Variants in NEIL3 observed in about 807,000 individuals in gnomAD.
NEIL3 encodes nei like DNA glycosylase 3, also known as endonuclease 8-like 3.
Under a neutral mutation model 57.5 loss-of-function variants are expected in NEIL3, and 48 were observed. The ratio of observed to expected loss-of-function variants is 0.83; its 90% confidence interval spans 0.66 to 1.06. The LOEUF is 1.06. NEIL3 is among the 50% of genes least tolerant of loss of function. NEIL3 has a pLI of 0.00. For missense variants in NEIL3, 717 were observed against 739.1 expected (o/e 0.97, Z 0.35); for synonymous variants, 261 against 253.2 (o/e 1.03, Z -0.29).
chr4:177,348,358 G>C (rs1447653021), intron 6 of NEIL3, among the ~76,000 whole-genome samples: 4 of 152,120 alleles, frequency 2.6e-5, no homozygotes, highest in African/African-American at 9.7e-5. Context: ...AGTTAGGGTG[G>C]GTAGTATAGG....
chr4:177,351,276 A>T (rs1405326018), intron 6 of NEIL3, 104 bp from the exon 7 acceptor site: 5 of 651,992 alleles, frequency 7.7e-6, no homozygotes, highest in Non-Finnish European at 1.3e-5. Context: ...AGCAATAATA[A>T]AGAGATAGCA....
chr4:177,336,381 C>A, intron 4 of NEIL3, 60 bp downstream of exon 4: 1 of 1,307,870 alleles, frequency 7.6e-7, no homozygotes, highest in Non-Finnish European at 1.1e-6. Flanking sequence ...AAGGAACCAA[C>A]GTGGAAGCCT....
chr4:177,339,683 T>C (rs1013755575), intron 4 of NEIL3, 100 bp from the exon 5 acceptor site: 5 of 770,220 alleles, frequency 6.5e-6, no homozygotes, highest in Non-Finnish European at 1.1e-5. Flanking sequence ...GTATTCAAAA[T>C]CTATTTACAG....
intron 8 of NEIL3, among the ~76,000 whole-genome samples, chr4:177,358,495 CG>C (rs1332450188): frequency 6.6e-6 from 1 of 151,972 alleles, no homozygotes; most frequent in African/African-American, 2.4e-5. Context: ...TTAGTCGAGA[CG>C]GGGTTTCACC....
chr4:177,353,338 C>T lies in NEIL3; in HGVS notation c.1070C>T (p.Thr357Ile), dbSNP rs769672132. 2.5e-5 allele frequency: 40 copies of T among 1,612,608 alleles called. No homozygotes were observed. The highest frequency in any genetic ancestry group is 3.4e-5 in the Non-Finnish European group (40 of 1,179,664). ...DSVLKSEENSTVFSHLMKYPC... is the reference protein window; with the variant it reads ...DSVLKSEENSIVFSHLMKYPC... ...GTGCTCAAGAGTGAAGAAAATTCTA[C>T]TGTCTTTAGCCACTTAATGAAGTAC... Residue 357 changes from threonine to isoleucine, a missense_variant, in exon 8 of 10, where the codon ACT becomes ATT. Thr to Ile is a moderately conservative substitution (Grantham distance 89). Coordinates refer to ENST00000264596, the MANE Select transcript of NEIL3 (RefSeq NM_018248.3).
chr4:177,330,460 A>G (rs1035037000), intron 2 of NEIL3, among the ~76,000 whole-genome samples: 2 of 152,202 alleles, frequency 1.3e-5, no homozygotes, highest in Admixed American at 1.3e-4. Flanking sequence ...TAAACCCAAA[A>G]CAGACAGAAG....
At chr4:177,329,165 T>C (rs142172669) in intron 2 of NEIL3, among the ~76,000 whole-genome samples, 1 of 152,178 alleles carries the variant, frequency 6.6e-6, no homozygotes, top group East Asian at 1.9e-4. Context: ...TTAAAAATGC[T>C]CAATCCAAAA....
intron 2 of NEIL3, 81 bp from the exon 3 acceptor site, chr4:177,335,605 CAA>C (rs3215157): frequency 3.9e-4 from 470 of 1,211,374 alleles, no homozygotes; most frequent in Middle Eastern, 2.0e-3. Flanking sequence ...GCTTATAATC[CAA>C]AAAAAAAATG....
chr4:177,365,790 T>A (rs1039169449), downstream of NEIL3, among the ~76,000 whole-genome samples: 2 of 152,178 alleles, frequency 1.3e-5, no homozygotes, highest in Admixed American at 1.3e-4. Flanking sequence ...ATTGGTTCTG[T>A]CTTAGATTAT....
chr4:177,360,040 A>G (rs934420034), intron 8 of NEIL3, among the ~76,000 whole-genome samples: 2 of 152,348 alleles, frequency 1.3e-5, no homozygotes. Context: ...AGTGATTTCT[A>G]TGGCCTTGTC....
intron 9 of NEIL3, among the ~76,000 whole-genome samples, 174 bp downstream of exon 9, chr4:177,360,851 C>A (rs1433373753): frequency 2.6e-5 from 4 of 152,094 alleles, no homozygotes; most frequent in Non-Finnish European, 5.9e-5. Flanking sequence ...AGATGTTCAG[C>A]CACAAGAAAT....
At chr4:177,327,691 C>T (rs566988318) in intron 2 of NEIL3, among the ~76,000 whole-genome samples, 1 of 152,204 alleles carries the variant, frequency 6.6e-6, no homozygotes, top group East Asian at 1.9e-4. Flanking sequence ...ATAAGTTTGC[C>T]TTGTTGTCTG....
At chr4:177,352,953 T>C (rs1579005836) in intron 7 of NEIL3, among the ~76,000 whole-genome samples, 1 of 152,198 alleles carries the variant, frequency 6.6e-6, no homozygotes, top group East Asian at 1.9e-4. Flanking sequence ...GACCTAAAGC[T>C]TTATGGGATA....
At position 177,360,362 on chromosome 4, in the gene NEIL3, CA is replaced by C. The variant is rs546859761; in HGVS notation, c.1461-140del. The C allele has an allele frequency of 1.9e-3, 916 of 493,996 alleles. 1 individual carries two copies. Among genetic ancestry groups the C allele is most frequent in the Non-Finnish European group, 2.6e-3 (753 of 287,118 alleles). 30.6% of individuals were successfully genotyped at this position (493,996 alleles called of 1,614,324 possible). ...AACAAAGAATAAAGACAGCCTTTTG[CA>C]TAATGACCTAATGTTAACGAGGTCC... On this transcript the variant is annotated intron_variant, in intron 8 of 9. Coordinates refer to ENST00000264596, the MANE Select transcript of NEIL3 (RefSeq NM_018248.3).
intron 8 of NEIL3, 150 bp from the exon 9 acceptor site, chr4:177,360,353 A>G: frequency 2.1e-6 from 1 of 467,394 alleles, no homozygotes; most frequent in East Asian, 3.2e-5. Context: ...GAATAAAGAC[A>G]GCCTTTTGCA....
intron 2 of NEIL3, among the ~76,000 whole-genome samples, chr4:177,324,948 A>C (rs1041951262): frequency 1.2e-5 from 1 of 80,244 alleles, no homozygotes; most frequent in Non-Finnish European, 2.6e-5. Context: ...AAATTTAAAA[A>C]ACAGATAGAT....
chr4:177,350,900 G>A (rs1368939092), intron 6 of NEIL3, among the ~76,000 whole-genome samples: 2 of 143,872 alleles, frequency 1.4e-5, no homozygotes, highest in East Asian at 2.2e-4. Flanking sequence ...TTGTTAAAGG[G>A]GGGTCCAGGT....
At position 177,351,615 on chromosome 4, in the gene NEIL3, A is replaced by C. The variant is rs1735355304; in HGVS notation, c.1039+66A>C. 1.2e-5 allele frequency: 15 copies of C among 1,275,850 alleles called. No homozygotes were observed. In the African/African-American group the frequency reaches 1.6e-4, roughly 14 times the overall value. 79.0% of individuals were successfully genotyped at this position (1,275,850 alleles called of 1,614,324 possible). On this transcript the variant is annotated intron_variant, in intron 7 of 9. Coordinates refer to ENST00000264596, the MANE Select transcript of NEIL3 (RefSeq NM_018248.3). ...GAGGGTTAATTATACAAAGTCAGGA[A>C]TATATCTTGCTCCATCTTGATATTC...
intron 1 of NEIL3, 119 bp from the exon 2 acceptor site, chr4:177,322,340 C>T: frequency 1.6e-6 from 2 of 1,284,734 alleles, no homozygotes; most frequent in South Asian, 2.9e-5. Context: ...GGAGATTATT[C>T]TTCTCATTGG....
Sources: allele counts gnomAD v4.1 joint callset (sites outside exome capture counted in the v4.1 genomes callset), GRCh38; gene constraint gnomAD v4.1.1; transcripts MANE v1.5; gene names NCBI Gene and HGNC (gene_info 2026-07-23, HGNC 2026-07-21).